Variants in GBP6 observed in about 807,000 individuals in gnomAD.
GBP6 encodes the protein guanylate-binding protein 6.
GBP6 carries 54 observed loss-of-function variants against 61.5 expected under a neutral mutation model. That is an observed-to-expected ratio of 0.88 (90% CI 0.71 to 1.10). GBP6 has a LOEUF of 1.10. Among genes scored for constraint, GBP6 ranks in the 50% least tolerant of loss-of-function variants. GBP6 has a pLI of 0.00. For missense variants in GBP6, 748 were observed against 752.8 expected (o/e 0.99, Z 0.07); for synonymous variants, 255 against 273.7 (o/e 0.93, Z 0.67).
intron 3 of GBP6, among the ~76,000 whole-genome samples, chr1:89,374,192 A>G (rs1652733467): frequency 6.6e-6 from 1 of 152,110 alleles, no homozygotes; most frequent in South Asian, 2.1e-4. Context: ...TAAATTGTCC[A>G]GTCTCGTGTA....
Position 89,382,640 on chromosome 1 carries a change from C to T in GBP6, c.1153-24C>T, listed in dbSNP as rs747342519. The T allele has an allele frequency of 3.8e-6, 6 of 1,583,998 alleles. No individual in the cohort carries two copies. In the East Asian group the frequency reaches 8.9e-5, roughly 24 times the overall value. Reference sequence around the variant, plus strand: ...ATCTCCTCCATGTTTCTTCTGGTGACATCTCTCTACATTTCCCTTGCAGGA... The same window carrying T: ...ATCTCCTCCATGTTTCTTCTGGTGATATCTCTCTACATTTCCCTTGCAGGA... On this transcript the variant is annotated intron_variant, in intron 7 of 10. Coordinates refer to ENST00000370456, the MANE Select transcript of GBP6 (RefSeq NM_198460.3).
In GBP6 at chr1:89,378,093, T is replaced by A. The variant is rs1459201998; in HGVS notation, c.319-10T>A. The A allele has an allele frequency of 6.2e-7, 1 of 1,609,954 alleles. No individual in the cohort carries two copies. The highest frequency in any genetic ancestry group is 8.5e-7 in the Non-Finnish European group (1 of 1,178,826). Reference sequence around the variant, plus strand: ...CACTCCTAAGTCCTTTGCTCTAATGTGCTTTTTAGGGTGACCCTAAGAATG... The same window carrying A: ...CACTCCTAAGTCCTTTGCTCTAATGAGCTTTTTAGGGTGACCCTAAGAATG... On this transcript the variant is annotated splice_polypyrimidine_tract_variant and intron_variant, in intron 3 of 10. Transcript: ENST00000370456.
intron 3 of GBP6, among the ~76,000 whole-genome samples, chr1:89,369,918 G>A (rs1246582462): frequency 6.6e-6 from 1 of 152,242 alleles, no homozygotes; most frequent in East Asian, 1.9e-4. Flanking sequence ...AAGCAGTTGA[G>A]TTCCAGGCCT....
In GBP6 at chr1:89,386,830, CT is replaced by C. The variant is rs1295283282; in HGVS notation, c.*1362del. 6.6e-6 allele frequency among the ~76,000 whole-genome samples: 1 copy of C among 152,116 alleles called. No homozygotes were observed. The highest frequency in any genetic ancestry group is 2.4e-5 in the African/African-American group (1 of 41,428). ...ATGTGCCTTTCCAGAACTGAACCCC[CT>C]GATGGGGGATGATAGACCCAGACAC... is the stretch of plus-strand genomic sequence containing the variant. On this transcript the variant is annotated 3_prime_UTR_variant, in exon 11 of 11. Coordinates refer to ENST00000370456, the MANE Select transcript of GBP6 (RefSeq NM_198460.3).
rs2100677553 is a variant in GBP6 at position 89,385,540 on chromosome 1, A to AT, written c.*71_*72insT. 2.4e-5 allele frequency: 28 copies of AT among 1,143,480 alleles called. No individual in the cohort carries two copies. The highest frequency in any genetic ancestry group is 7.9e-5 in the East Asian group (3 of 37,968). 70.8% of individuals were successfully genotyped at this position (1,143,480 alleles called of 1,614,324 possible). ...GTATGTTTTTCATTTTCATTCAGCA[A>AT]GTTTTTTTTTTTTTTCAGAGTCTTA... On this transcript the variant is annotated 3_prime_UTR_variant, in exon 11 of 11. Coordinates refer to ENST00000370456, the MANE Select transcript of GBP6 (RefSeq NM_198460.3).
At chr1:89,373,035 A>C (rs1385253564) in intron 3 of GBP6, among the ~76,000 whole-genome samples, 1 of 152,262 alleles carries the variant, frequency 6.6e-6, no homozygotes, top group East Asian at 1.9e-4. Flanking sequence ...AAAAGAAGAC[A>C]TTTATGCACC....
intron 3 of GBP6, among the ~76,000 whole-genome samples, chr1:89,372,361 T>C (rs1652668191): frequency 6.6e-6 from 1 of 152,106 alleles, no homozygotes; most frequent in Admixed American, 6.5e-5. Flanking sequence ...GCCAAGACAG[T>C]CCTAAGCCAA....
rs4658148 is a variant in GBP6, at chr1:89,386,611, C to T, written c.*1142C>T. ...GTTTTTCGATCCCTTCTATTTGTTT[C>T]GAGACTAAGGCATACACTTTTCTGT... On this transcript the variant is annotated 3_prime_UTR_variant, in exon 11 of 11. Coordinates refer to ENST00000370456, the MANE Select transcript of GBP6 (RefSeq NM_198460.3). 101,141 of 152,056 alleles carry T rather than the reference C, an allele frequency of 0.67. 34,982 individuals are homozygous for T. Among genetic ancestry groups the T allele is most frequent in the Non-Finnish European group, 0.77 (52,286 of 67,994 alleles). The allele number at this position is 152,056 out of a possible 1,614,324, so 9.4% of individuals were successfully genotyped here. A position where few individuals can be genotyped will look rare whatever the true frequency, so the allele number is the denominator to read the frequency against.
In GBP6 at chr1:89,384,189, G is replaced by A; in HGVS notation, c.1565G>A (p.Ser522Asn). Residue 522 changes from serine to asparagine, a missense_variant, in exon 10 of 11, where the codon AGT (serine) becomes AAT (asparagine). Ser to Asn is a conservative substitution (Grantham distance 46). Transcript: ENST00000370456. Reference sequence around the variant, plus strand: ...CAACAGATGGAGGCTCAAGATAAGAGTCGCAAGGAAAACATAGCCCAACTG... The same window carrying A: ...CAACAGATGGAGGCTCAAGATAAGAATCGCAAGGAAAACATAGCCCAACTG... ...QQQQMEAQDK[S>N]RKENIAQLKE... 2 of 1,614,046 alleles carry A rather than the reference G, an allele frequency of 1.2e-6. No homozygotes were observed. Among genetic ancestry groups the A allele is most frequent in the East Asian group, 2.2e-5 (1 of 44,868 alleles).
At chr1:89,370,627 C>G (rs975609039) in intron 3 of GBP6, among the ~76,000 whole-genome samples, 1 of 152,128 alleles carries the variant, frequency 6.6e-6, no homozygotes, top group East Asian at 1.9e-4. Flanking sequence ...TTTATTTTTG[C>G]CCAAACAGGC....
Position 89,378,468 on chromosome 1 carries a change from T to C in GBP6, c.480T>C (p.Pro160=), listed in dbSNP as rs1652868841. 6.2e-7 allele frequency: 1 copy of C among 1,614,070 alleles called. No homozygotes were observed. Among genetic ancestry groups the C allele is most frequent in the South Asian group, 1.1e-5 (1 of 91,082 alleles). Residue 160 remains proline, a synonymous_variant, in exon 5 of 11, where the codon CCT becomes CCC. Transcript: ENST00000370456. ...ELIKAKSSPR[P]DGVEDSTEFV... ...TTAAGGCAAAGTCCTCCCCAAGGCCTGATGGAGTAGAAGATTCCACAGAGT... is the reference window on the plus strand; with the variant it reads ...TTAAGGCAAAGTCCTCCCCAAGGCCCGATGGAGTAGAAGATTCCACAGAGT...
chr1:89,366,228 A>G (rs1652462757), intron 1 of GBP6, among the ~76,000 whole-genome samples: 1 of 152,190 alleles, frequency 6.6e-6, no homozygotes, highest in Non-Finnish European at 1.5e-5. Context: ...TATCTCCATA[A>G]ATAATATGCA....
At chr1:89,373,933 G>A (rs540804208) in intron 3 of GBP6, among the ~76,000 whole-genome samples, 2 of 152,100 alleles carry the variant, frequency 1.3e-5, no homozygotes, top group East Asian at 1.9e-4. Context: ...CCCGCATGTC[G>A]TGGGAGGGAC....
At chr1:89,383,518 G>T in intron 8 of GBP6, 134 bp from the exon 9 acceptor site, 1 of 641,126 alleles carries the variant, frequency 1.6e-6, no homozygotes, top group South Asian at 1.9e-5. Context: ...TAAAGAGCCC[G>T]CACACTTTGT....
intron 2 of GBP6, among the ~76,000 whole-genome samples, 181 bp downstream of exon 2, chr1:89,368,922 T>G (rs751413024): frequency 2.0e-5 from 3 of 152,178 alleles, no homozygotes; most frequent in South Asian, 2.1e-4. Flanking sequence ...ATTTTTTCCC[T>G]CATTCCCATT....
Position 89,385,321 on chromosome 1 carries a change from C to CA in GBP6, c.1760dup (p.Asn587LysfsTer2), listed in dbSNP as rs1557544730. 1 of 1,613,994 alleles carries CA rather than the reference C, an allele frequency of 6.2e-7. No individual in the cohort carries two copies. Among genetic ancestry groups the CA allele is most frequent in the Non-Finnish European group, 8.5e-7 (1 of 1,179,970 alleles). Reference sequence around the variant, plus strand: ...CAATTTAAACGTATGATTGATACTACAAAAAATGATGATACTCCCTGGATT... The same window carrying CA: ...CAATTTAAACGTATGATTGATACTACAAAAAAATGATGATACTCCCTGGATT... On this transcript the variant is annotated frameshift_variant, in exon 11 of 11. Transcript: ENST00000370456. LOFTEE classifies it low-confidence loss of function (END_TRUNC).
At chr1:89,378,319 A>C in intron 4 of GBP6, 98 bp from the exon 5 acceptor site, 2 of 1,524,684 alleles carry the variant, frequency 1.3e-6, no homozygotes, top group South Asian at 1.2e-5. Context: ...GTGGTGCAGC[A>C]CAGGGAACCC....
At chr1:89,372,447 TA>T (rs1423072725) in intron 3 of GBP6, among the ~76,000 whole-genome samples, 1 of 152,198 alleles carries the variant, frequency 6.6e-6, no homozygotes, top group Admixed American at 6.5e-5. Flanking sequence ...AATAGCATGG[TA>T]CTGGTACAAA....
intron 1 of GBP6, 133 bp downstream of exon 1, chr1:89,364,260 T>A (rs972006648): frequency 6.6e-6 from 1 of 152,296 alleles, no homozygotes; most frequent in Non-Finnish European, 1.5e-5. Flanking sequence ...TGTGGCTGGC[T>A]TTAGTTCTGG....
Sources: allele counts gnomAD v4.1 joint callset (sites outside exome capture counted in the v4.1 genomes callset), GRCh38; gene constraint gnomAD v4.1.1; transcripts MANE v1.5; gene names NCBI Gene and HGNC (gene_info 2026-07-23, HGNC 2026-07-21).